Variants in STIM1 observed in about 807,000 individuals in gnomAD.
STIM1 encodes stromal interaction molecule 1.
STIM1 carries 25 observed loss-of-function variants against 74.7 expected under a neutral mutation model. The observed-to-expected ratio is 0.33, with a 90% CI of 0.24 to 0.47. The LOEUF is 0.47. STIM1 is among the 20% of genes least tolerant of loss of function. The probability of loss-of-function intolerance (pLI) is 1.00; values close to 1 mark genes in which losing one functional copy is unlikely to be tolerated. For synonymous variants in STIM1, 328 were observed against 348.8 expected, an observed-to-expected ratio of 0.94 and a Z score of 0.66; for missense variants, 728 against 920.8, an observed-to-expected ratio of 0.79 and a Z score of 2.71.
chr11:4,000,049 C>T (rs1170004422), intron 2 of STIM1, among the ~76,000 whole-genome samples: 2 of 152,100 alleles, frequency 1.3e-5, no homozygotes, highest in African/African-American at 4.8e-5. Flanking sequence ...CCCGCCATTG[C>T]CCAGGCTCGC....
intron 1 of STIM1, among the ~76,000 whole-genome samples, chr11:3,895,616 T>TTTCTTTCTTTCTTTCTTTC (rs2092049170): frequency 1.1e-4 from 1 of 9,080 alleles, no homozygotes; most frequent in African/African-American, 3.6e-4. Flanking sequence ...CTCTCTTTCT[T>TTTCTTTCTTTCTTTCTTTC]TCTTTCTTTC....
At chr11:3,867,009 T>TA (rs1427754628) in intron 1 of STIM1, 1 of 152,210 alleles carries the variant, frequency 6.6e-6, no homozygotes, top group Non-Finnish European at 1.5e-5. Flanking sequence ...GCCCAGTAGA[T>TA]ATTTGTTGAC....
At chr11:3,855,258 T>C (rs1173553272), upstream of STIM1, 1 of 152,276 alleles carries the variant, frequency 6.6e-6, no homozygotes, top group Non-Finnish European at 1.5e-5. Context: ...CCTGGGCCTC[T>C]GTTTAGACAG....
intron 1 of STIM1, among the ~76,000 whole-genome samples, chr11:3,937,938 T>TG (rs2092955242): frequency 6.8e-6 from 1 of 146,706 alleles, no homozygotes; most frequent in Non-Finnish European, 1.5e-5. Context: ...GAGAAATTCT[T>TG]TTTTTTTTTT....
chr11:3,951,403 T>C (rs1206903199), intron 1 of STIM1, among the ~76,000 whole-genome samples: 1 of 152,186 alleles, frequency 6.6e-6, no homozygotes, highest in African/African-American at 2.4e-5. Flanking sequence ...AGAAAGATAA[T>C]GAGAAGCTCT....
intron 1 of STIM1, among the ~76,000 whole-genome samples, chr11:3,867,823 T>G (rs2090915627): frequency 1.3e-5 from 2 of 150,334 alleles, no homozygotes; most frequent in South Asian, 4.2e-4. Flanking sequence ...CTGGCCTAGG[T>G]AATGACCAGA....
intron 1 of STIM1, among the ~76,000 whole-genome samples, chr11:3,921,059 G>T (rs1003513629): frequency 2.0e-5 from 3 of 152,172 alleles, no homozygotes; most frequent in Non-Finnish European, 4.4e-5. Flanking sequence ...GCTTCCCAAA[G>T]TGCTGGGATT....
chr11:3,908,971 G>C (rs1004980102), intron 1 of STIM1, among the ~76,000 whole-genome samples: 5 of 152,168 alleles, frequency 3.3e-5, no homozygotes, highest in African/African-American at 1.2e-4. Flanking sequence ...GAAAGTGAGG[G>C]GGGTTTTATG....
chr11:4,002,898 A>C (rs953125535), intron 2 of STIM1, among the ~76,000 whole-genome samples: 3 of 136,972 alleles, frequency 2.2e-5, no homozygotes, highest in African/African-American at 7.7e-5. Flanking sequence ...AAAAATGATA[A>C]AGGGGATATC....
chr11:3,932,061 C>G (rs1212957220), intron 1 of STIM1, among the ~76,000 whole-genome samples: 1 of 152,110 alleles, frequency 6.6e-6, no homozygotes, highest in African/African-American at 2.4e-5. Context: ...GTTTTCCTGT[C>G]CAGCCTGCTG....
At chr11:3,917,154 C>T (rs1227535853) in intron 1 of STIM1, among the ~76,000 whole-genome samples, 1 of 152,106 alleles carries the variant, frequency 6.6e-6, no homozygotes, top group African/African-American at 2.4e-5. Context: ...GTCTGTATCT[C>T]AGCCTGTGAG....
chr11:4,006,884 G>A (rs2093787462), intron 2 of STIM1, among the ~76,000 whole-genome samples: 1 of 152,122 alleles, frequency 6.6e-6, no homozygotes, highest in African/African-American at 2.4e-5. Context: ...GGGGAGGGAA[G>A]TGTTATTGAT....
intron 2 of STIM1, among the ~76,000 whole-genome samples, chr11:4,004,294 A>G (rs1465418462): frequency 6.6e-6 from 1 of 152,118 alleles, no homozygotes; most frequent in Admixed American, 6.5e-5. Context: ...CCTAAGCCAA[A>G]AGAACAAAGC....
chr11:3,878,305 C>T (rs2091373495), intron 1 of STIM1, among the ~76,000 whole-genome samples: 1 of 152,124 alleles, frequency 6.6e-6, no homozygotes, highest in Non-Finnish European at 1.5e-5. Context: ...CTTTAATCTT[C>T]ACAACAACTT....
chr11:3,921,725 G>T (rs2092720069), intron 1 of STIM1: 5 of 148,462 alleles, frequency 3.4e-5, no homozygotes, highest in Admixed American at 2.6e-4. Context: ...ACATGATAGT[G>T]TACAACTTCA....
chr11:4,074,903 C>A (rs1463141425), intron 7 of STIM1, among the ~76,000 whole-genome samples: 1 of 152,102 alleles, frequency 6.6e-6, no homozygotes, highest in East Asian at 1.9e-4. Context: ...CTTTGGGAGG[C>A]CAAGGCAGGT....
At position 4,086,476 on chromosome 11, in the gene STIM1, G is replaced by GC; in HGVS notation, c.1571dup (p.Ser525Ter). On this transcript the variant is annotated frameshift_variant and splice_region_variant. Coordinates refer to ENST00000526596, the MANE Select transcript of STIM1 (RefSeq NM_001382567.1). LOFTEE classifies it high-confidence loss of function. ...TGACACTTTCTTTATTCTCCTTGCA[G>GC]CCCCTAGCCTGCAGAGCAGTGTTCG... 6.2e-7 allele frequency: 1 copy of GC among 1,613,944 alleles called. No homozygotes were observed. The highest frequency in any genetic ancestry group is 8.5e-7 in the Non-Finnish European group (1 of 1,179,992).
intron 1 of STIM1, among the ~76,000 whole-genome samples, chr11:3,883,254 T>G (rs1340296364): frequency 6.6e-6 from 1 of 152,212 alleles, no homozygotes; most frequent in Non-Finnish European, 1.5e-5. Flanking sequence ...CAAATGTCAC[T>G]TCCTCCGAGA....
chr11:3,910,972 C>T (rs555442064), intron 1 of STIM1, among the ~76,000 whole-genome samples: 3 of 152,008 alleles, frequency 2.0e-5, no homozygotes, highest in Non-Finnish European at 2.9e-5. Flanking sequence ...GGCAACAGAG[C>T]GAGACAAACA....
Sources: gnomAD v4.1 joint callset for allele counts (sites outside exome capture counted in the v4.1 genomes callset) on GRCh38, gnomAD v4.1.1 for gene constraint, MANE v1.5 for transcripts, NCBI Gene and HGNC (gene_info 2026-07-23, HGNC 2026-07-21) for gene names.